Variants in DHRSX observed in about 807,000 individuals in gnomAD.
The protein encoded by DHRSX is dehydrogenase/reductase X-linked, also known as polyprenol dehydrogenase.
In DHRSX, 31 loss-of-function variants were observed where a neutral mutation model predicts 34.0. The ratio of observed to expected loss-of-function variants is 0.91; its 90% confidence interval spans 0.69 to 1.23. The LOEUF (loss-of-function observed/expected upper bound fraction) is 1.23, where lower values mean the gene tolerates loss of function less well. DHRSX is among the 50% of genes most tolerant of loss of function. DHRSX has a pLI of 0.00. For synonymous variants in DHRSX, 201 were observed against 183.8 expected, an observed-to-expected ratio of 1.09 and a Z score of -0.76; for missense variants, 414 against 428.1, an observed-to-expected ratio of 0.97 and a Z score of 0.29.
chrX:2,446,026 AC>A (rs2044128918), intron 1 of DHRSX, among the ~76,000 whole-genome samples: 1 of 151,862 alleles, frequency 6.6e-6, no homozygotes, highest in South Asian at 2.1e-4. Flanking sequence ...CTGTGTATTC[AC>A]TAAAGACATT....
chrX:2,404,408 C>G (rs1488948228), intron 3 of DHRSX, among the ~76,000 whole-genome samples: 1 of 152,124 alleles, frequency 6.6e-6, no homozygotes, highest in Non-Finnish European at 1.5e-5. Context: ...ACAGATGAAA[C>G]AGGAATTTTA....
chrX:2,259,365 GATATATATAGATATAT>G (rs749224570), intron 5 of DHRSX, among the ~76,000 whole-genome samples: 11,588 of 106,294 alleles, frequency 0.11, 723 homozygotes, highest in Non-Finnish European at 0.19. Context: ...GATAGATATA[GATATATATAGATATAT>G]ATATAGATAT....
intron 1 of DHRSX, among the ~76,000 whole-genome samples, chrX:2,450,887 G>A (rs1041168803): frequency 8.6e-5 from 13 of 152,016 alleles, no homozygotes; most frequent in Admixed American, 6.6e-5. Context: ...GAGGTGATGA[G>A]ATCATGGGGA....
chrX:2,402,931 G>C (rs2043505478), intron 3 of DHRSX, among the ~76,000 whole-genome samples: 1 of 129,816 alleles, frequency 7.7e-6, no homozygotes, highest in South Asian at 2.5e-4. Flanking sequence ...AGTCCAGGTT[G>C]GAGTGCGGTG....
intron 1 of DHRSX, among the ~76,000 whole-genome samples, chrX:2,431,113 CAGG>C (rs200107123): frequency 2.0e-5 from 3 of 151,890 alleles, no homozygotes; most frequent in Non-Finnish European, 4.4e-5. Flanking sequence ...ATCACGAGGT[CAGG>C]AGATCGACAC....
chrX:2,465,246 C>T (rs1229739171), intron 1 of DHRSX, among the ~76,000 whole-genome samples: 3 of 152,148 alleles, frequency 2.0e-5, no homozygotes, highest in Admixed American at 2.0e-4. Context: ...AAATGAGGCT[C>T]TTCAGGGCGC....
intron 4 of DHRSX, among the ~76,000 whole-genome samples, chrX:2,282,581 A>AGAGAGAGAAGAAAGGG (rs2041722366): frequency 2.0e-5 from 2 of 100,160 alleles, no homozygotes; most frequent in Non-Finnish European, 4.6e-5. Context: ...ACAGAAAGGG[A>AGAGAGAGAAGAAAGGG]GAGAGAGAAG....
rs143348939 is a variant in DHRSX at position 2,243,221 on chromosome X, G to A, written c.606C>T (p.Tyr202=). The A allele has an allele frequency of 1.1e-5, 18 of 1,613,470 alleles. No homozygotes were observed. In the African/African-American group the frequency reaches 1.9e-4, roughly 17 times the overall value. ...TCTGGGCGTAGGCTGCGTGGGGTGA[G>A]TAGCAGGCACTGTGGGGCAAGCAGG... ...NMDDLQSSAC[Y]SPHAAYAQSK... Residue 202 remains tyrosine, a synonymous_variant, in exon 6 of 7, where the codon TAC becomes TAT. Transcript: ENST00000334651.
rs759004042 is a variant in DHRSX at position 2,429,029 on chromosome X, C to T, written c.110-3725G>A. On this transcript the variant is annotated intron_variant, in intron 1 of 6. Transcript: ENST00000334651. ...CTTTCATTTTGTTTTTCTTGATACACGCATGAATCGATGAAAAGGTATGTT... is the reference window on the plus strand; with the variant it reads ...CTTTCATTTTGTTTTTCTTGATACATGCATGAATCGATGAAAAGGTATGTT... 6.6e-5 allele frequency among the ~76,000 whole-genome samples: 10 copies of T among 152,212 alleles called. No individual in the cohort carries two copies. In the East Asian group the frequency reaches 1.2e-3, roughly 18 times the overall value.
intron 2 of DHRSX, among the ~76,000 whole-genome samples, chrX:2,416,341 A>G (rs1012824828): frequency 6.6e-6 from 1 of 152,118 alleles, no homozygotes; most frequent in African/African-American, 2.4e-5. Context: ...TTATAACCCA[A>G]CTAGACCTCA....
intron 3 of DHRSX, among the ~76,000 whole-genome samples, chrX:2,305,677 C>T (rs1307589531): frequency 2.0e-5 from 3 of 152,100 alleles, no homozygotes; most frequent in Non-Finnish European, 4.4e-5. Context: ...AGGATGAGTT[C>T]ATGTGCTTTG....
At chrX:2,468,418 G>A (rs1021844800) in intron 1 of DHRSX, among the ~76,000 whole-genome samples, 2 of 150,572 alleles carry the variant, frequency 1.3e-5, no homozygotes, top group African/African-American at 4.9e-5. Context: ...AGAGGAAACG[G>A]ATACCACATA....
At chrX:2,490,724 T>C (rs2045114512) in intron 1 of DHRSX, 10 of 1,609,806 alleles carry the variant, frequency 6.2e-6, no homozygotes, top group Non-Finnish European at 8.5e-6. Context: ...CTCCATTGCT[T>C]CTCCACCGGA....
chrX:2,311,073 AAAAG>A (rs1444859642), intron 3 of DHRSX, among the ~76,000 whole-genome samples: 2 of 151,654 alleles, frequency 1.3e-5, no homozygotes, highest in Admixed American at 1.3e-4. Flanking sequence ...AAAAAAAAAA[AAAAG>A]AGAGACAGAA....
chrX:2,414,948 C>G (rs1212576924), intron 2 of DHRSX, among the ~76,000 whole-genome samples: 4 of 151,762 alleles, frequency 2.6e-5, no homozygotes, highest in Non-Finnish European at 5.9e-5. Context: ...CATAACCTAA[C>G]CCAACTAGAC....
At chrX:2,463,289 C>G (rs1223221766) in intron 1 of DHRSX, among the ~76,000 whole-genome samples, 3 of 152,154 alleles carry the variant, frequency 2.0e-5, no homozygotes, top group Non-Finnish European at 4.4e-5. Flanking sequence ...GCACTCCGGC[C>G]TGGGCGACAC....
intron 3 of DHRSX, among the ~76,000 whole-genome samples, chrX:2,329,348 T>C (rs62583700): frequency 0.73 from 110,531 of 152,030 alleles, 40,980 homozygotes; most frequent in Middle Eastern, 0.83. Flanking sequence ...TCAGTGCTGC[T>C]ACAATACTTT....
At chrX:2,488,656 A>C in intron 1 of DHRSX, 1 of 1,609,492 alleles carries the variant, frequency 6.2e-7, no homozygotes, top group Non-Finnish European at 8.5e-7. Flanking sequence ...TGCTGTCCCT[A>C]ATGCCAAAGA....
chrX:2,463,306 A>G (rs1373882030), intron 1 of DHRSX, among the ~76,000 whole-genome samples: 2 of 152,038 alleles, frequency 1.3e-5, no homozygotes, highest in East Asian at 3.9e-4. Flanking sequence ...ACACAGCAAG[A>G]CTCCGTCTCA....
Sources: gnomAD v4.1 joint callset for allele counts (sites outside exome capture counted in the v4.1 genomes callset) on GRCh38, gnomAD v4.1.1 for gene constraint, MANE v1.5 for transcripts, NCBI Gene and HGNC (gene_info 2026-07-23, HGNC 2026-07-21) for gene names.